Variants in PBX1 observed in about 807,000 individuals in gnomAD.
PBX1 encodes the protein pre-B-cell leukemia transcription factor 1.
A neutral mutation model predicts 53.4 loss-of-function variants in PBX1; 6 were observed. The observed-to-expected ratio is 0.11, with a 90% CI of 0.06 to 0.22. PBX1 has a LOEUF of 0.22. Among genes scored for constraint, PBX1 ranks in the 10% least tolerant of loss-of-function variants. The pLI is 1.00. For synonymous variants in PBX1, 204 were observed against 212.3 expected, an observed-to-expected ratio of 0.96 and a Z score of 0.34; for missense variants, 251 against 551.4, an observed-to-expected ratio of 0.46 and a Z score of 5.46.
At chr1:164,702,009 A>G (rs977331) in intron 2 of PBX1, among the ~76,000 whole-genome samples, 34,572 of 151,858 alleles carry the variant, frequency 0.23, 4,138 homozygotes, top group East Asian at 0.45. Context: ...AATCTCTTAC[A>G]GACATATGTT....
At chr1:164,670,326 C>T (rs1661045148) in intron 2 of PBX1, among the ~76,000 whole-genome samples, 1 of 152,186 alleles carries the variant, frequency 6.6e-6, no homozygotes, top group Admixed American at 6.5e-5. Context: ...AATTATGCTT[C>T]CCCACTCAAT....
In PBX1 at chr1:164,702,915, A is replaced by G. The variant is rs185294871; in HGVS notation, c.266-89579A>G. 597 of 152,202 alleles carry G rather than the reference A, an allele frequency of 3.9e-3. 1 individual carries two copies. Among genetic ancestry groups the G allele is most frequent in the Non-Finnish European group, 7.0e-3 (478 of 68,014 alleles). The allele number at this position is 152,202 out of a possible 1,614,324, so 9.4% of individuals were successfully genotyped here. A position where few individuals can be genotyped will look rare whatever the true frequency, so the allele number is the denominator to read the frequency against. On this transcript the variant is annotated intron_variant, in intron 2 of 8. Coordinates refer to ENST00000420696, the MANE Select transcript of PBX1 (RefSeq NM_002585.4). Reference sequence around the variant, plus strand: ...TTTGGAGATACTTTGTCTATTCTGGAGTGCAGAGGTAATTAACTTATGGTG... The same window carrying G: ...TTTGGAGATACTTTGTCTATTCTGGGGTGCAGAGGTAATTAACTTATGGTG...
chr1:164,851,639 G>A lies in PBX1; in HGVS notation c.*4963G>A, dbSNP rs1484607121. 2 of 184,010 alleles carry A rather than the reference G, an allele frequency of 1.1e-5. No individual in the cohort carries two copies. The allele number at this position is 184,010 out of a possible 1,614,324, so 11.4% of individuals were successfully genotyped here. A position where few individuals can be genotyped will look rare whatever the true frequency, so the allele number is the denominator to read the frequency against. On this transcript the variant is annotated 3_prime_UTR_variant, in exon 9 of 9. Transcript: ENST00000420696. ...ATTATTCAGAATATAAACCTGCAAAGCTCTGCTCTGTTTTGGTTTTGAAAG... is the reference window on the plus strand; with the variant it reads ...ATTATTCAGAATATAAACCTGCAAAACTCTGCTCTGTTTTGGTTTTGAAAG...
chr1:164,610,136 G>C (rs1656812931), intron 2 of PBX1, among the ~76,000 whole-genome samples: 1 of 152,148 alleles, frequency 6.6e-6, no homozygotes, highest in Non-Finnish European at 1.5e-5. Flanking sequence ...CGCCTCCTTT[G>C]CCTCATCTGC....
intron 2 of PBX1, among the ~76,000 whole-genome samples, chr1:164,776,009 C>T (rs569480251): frequency 1.2e-4 from 18 of 152,236 alleles, no homozygotes; most frequent in South Asian, 4.1e-4. Context: ...TACTAATAAT[C>T]GGTTTGTCAG....
chr1:164,792,764 C>G (rs1311250600), intron 3 of PBX1, 26 bp downstream of exon 3: 10 of 1,526,528 alleles, frequency 6.6e-6, no homozygotes, highest in Non-Finnish European at 8.9e-6. Flanking sequence ...TGGGGCTCGG[C>G]ACCCAGGCCC....
intron 2 of PBX1, among the ~76,000 whole-genome samples, chr1:164,687,847 CACTT>C (rs1035163924): frequency 1.6e-4 from 24 of 152,208 alleles, no homozygotes; most frequent in African/African-American, 5.8e-4. Flanking sequence ...ACTTAGCACT[CACTT>C]AAAGAAGAAA....
chr1:164,874,007 GAAAAA>G (rs11381707), intron 2 of PBX1, among the ~76,000 whole-genome samples: 1 of 143,476 alleles, frequency 7.0e-6, no homozygotes, highest in Non-Finnish European at 1.5e-5. Context: ...GAGGAATTCA[GAAAAA>G]AAAAAAAAGA....
intron 2 of PBX1, chr1:164,884,633 A>T (rs1672736450): frequency 2.2e-6 from 1 of 463,260 alleles, no homozygotes; most frequent in East Asian, 4.7e-5. Flanking sequence ...CCCTATCTGA[A>T]AAGTGGCCTC....
At chr1:164,696,410 T>A (rs2054920) in intron 2 of PBX1, among the ~76,000 whole-genome samples, 8 of 152,046 alleles carry the variant, frequency 5.3e-5, no homozygotes, top group Non-Finnish European at 1.0e-4. Flanking sequence ...CTCAGTACAA[T>A]GAAAACTGTT....
chr1:164,639,588 G>A (rs1780350), intron 2 of PBX1: 134,620 of 152,244 alleles, frequency 0.88, 61,947 homozygotes, highest in East Asian at 1. Context: ...CAGCACATAT[G>A]CTAAAGTTGC....
intron 8 of PBX1, among the ~76,000 whole-genome samples, chr1:164,841,343 A>C (rs10800055): frequency 0.35 from 52,931 of 151,962 alleles, 9,649 homozygotes; most frequent in African/African-American, 0.44. Flanking sequence ...TGGGAATGTA[A>C]ATAATTGTGT....
intron 2 of PBX1, among the ~76,000 whole-genome samples, chr1:164,866,680 C>T (rs12125740): frequency 0.09 from 13,666 of 152,204 alleles, 796 homozygotes; most frequent in African/African-American, 0.16. Flanking sequence ...TAATTCACAA[C>T]TGGTGGCTGA....
chr1:164,692,755 T>TA (rs1377410501), intron 2 of PBX1, among the ~76,000 whole-genome samples: 7 of 152,170 alleles, frequency 4.6e-5, no homozygotes, highest in Non-Finnish European at 8.8e-5. Flanking sequence ...GTAAATGCAT[T>TA]AACTACTCAA....
At chr1:164,693,488 C>T (rs1662619433) in intron 2 of PBX1, among the ~76,000 whole-genome samples, 1 of 152,290 alleles carries the variant, frequency 6.6e-6, no homozygotes, top group Non-Finnish European at 1.5e-5. Flanking sequence ...AGGGTCCCCA[C>T]TATTCTATAG....
At chr1:164,824,005 A>G (rs1670295607) in intron 8 of PBX1, among the ~76,000 whole-genome samples, 2 of 152,090 alleles carry the variant, frequency 1.3e-5, no homozygotes, top group Admixed American at 6.5e-5. Context: ...CAGGAGAGAG[A>G]GAGGAGGGGA....
chr1:164,660,508 A>C (rs2101945443), intron 2 of PBX1, among the ~76,000 whole-genome samples: 1 of 152,282 alleles, frequency 6.6e-6, no homozygotes, highest in Non-Finnish European at 1.5e-5. Context: ...CCATTGCATA[A>C]ATTCCTTTTA....
intron 2 of PBX1, among the ~76,000 whole-genome samples, chr1:164,565,383 A>C (rs1372912535): frequency 6.6e-6 from 1 of 151,794 alleles, no homozygotes; most frequent in African/African-American, 2.4e-5. Flanking sequence ...CAAATAATGT[A>C]ATTGAAAGTG....
In PBX1 at chr1:164,751,580, C is replaced by CTTTTTTTTTTTTT. The variant is rs776504167; in HGVS notation, c.266-40914_266-40913insTTTTTTTTTTTTT. Among the ~76,000 whole-genome samples the CTTTTTTTTTTTTT allele has an allele frequency of 1.4e-5, 2 of 142,070 alleles. 1 individual carries two copies. Among genetic ancestry groups the CTTTTTTTTTTTTT allele is most frequent in the African/African-American group, 5.4e-5 (2 of 37,082 alleles). The allele number at this position is 142,070 out of a possible 152,430, so 93.2% of individuals were successfully genotyped here. A position where few individuals can be genotyped will look rare whatever the true frequency, so the allele number is the denominator to read the frequency against. On this transcript the variant is annotated intron_variant, in intron 2 of 8. Coordinates refer to ENST00000420696, the MANE Select transcript of PBX1 (RefSeq NM_002585.4). Reference sequence around the variant, plus strand: ...TCAAATGTAATGGGTTTATTGCCCCCCTTTTTTTTTTTTTTTTTTGAGACA... The same window carrying CTTTTTTTTTTTTT: ...TCAAATGTAATGGGTTTATTGCCCCCTTTTTTTTTTTTTCTTTTTTTTTTTTTTTTTTGAGACA...
Sources: allele counts gnomAD v4.1 joint callset (sites outside exome capture counted in the v4.1 genomes callset), GRCh38; gene constraint gnomAD v4.1.1; transcripts MANE v1.5; gene names NCBI Gene and HGNC (gene_info 2026-07-23, HGNC 2026-07-21).